DLGAP2: variants seen among roughly 807,000 people sequenced by gnomAD.
DLGAP2 encodes DLG associated protein 2.
A neutral mutation model predicts 100.3 loss-of-function variants in DLGAP2; 26 were observed. The observed-to-expected ratio is 0.26, with a 90% CI of 0.19 to 0.36. DLGAP2 has a LOEUF of 0.36. Among genes scored for constraint, DLGAP2 ranks in the 10% least tolerant of loss-of-function variants. DLGAP2 has a pLI of 1.00. For missense variants in DLGAP2, 1,858 were observed against 1,453.2 expected (o/e 1.28, Z -4.53); for synonymous variants, 886 against 630.1 (o/e 1.41, Z -6.08).
chr8:1,616,508 A>G (rs1440990004), intron 6 of DLGAP2, among the ~76,000 whole-genome samples: 1 of 152,208 alleles, frequency 6.6e-6, no homozygotes, highest in African/African-American at 2.4e-5. Context: ...AAGGGGTCAA[A>G]CAGAAACCAG....
chr8:1,654,046 T>C (rs1482906751), intron 8 of DLGAP2, among the ~76,000 whole-genome samples: 1 of 152,228 alleles, frequency 6.6e-6, no homozygotes, highest in Non-Finnish European at 1.5e-5. Context: ...GCCATGTGCA[T>C]GGTAAAAATA....
chr8:1,148,539 A>G (rs750310383), intron 2 of DLGAP2, among the ~76,000 whole-genome samples: 1 of 143,338 alleles, frequency 7.0e-6, no homozygotes, highest in South Asian at 2.3e-4. Flanking sequence ...TTAGACTTTT[A>G]TCTTCTAATA....
At chr8:1,492,348 A>T (rs1229621991) in intron 3 of DLGAP2, among the ~76,000 whole-genome samples, 1 of 152,192 alleles carries the variant, frequency 6.6e-6, no homozygotes, top group African/African-American at 2.4e-5. Context: ...ACAGCCTTCA[A>T]ATCCTGTCAT....
At chr8:1,102,963 G>T (rs547145077) in intron 2 of DLGAP2, among the ~76,000 whole-genome samples, 1 of 151,622 alleles carries the variant, frequency 6.6e-6, no homozygotes, top group Non-Finnish European at 1.5e-5. Flanking sequence ...GTGGTTTTCC[G>T]GGGTCTTCAT....
At chr8:1,674,231 G>T (rs947023753) in intron 10 of DLGAP2, among the ~76,000 whole-genome samples, 11 of 152,118 alleles carry the variant, frequency 7.2e-5, no homozygotes, top group African/African-American at 2.7e-4. Flanking sequence ...TTTTTGTAGA[G>T]ATGGGGTCTT....
intron 2 of DLGAP2, among the ~76,000 whole-genome samples, chr8:986,169 G>A (rs370860246): frequency 3.9e-5 from 6 of 152,160 alleles, no homozygotes; most frequent in East Asian, 1.9e-4. Context: ...AGTGTGACTG[G>A]TTGGGAAGAG....
intron 6 of DLGAP2, among the ~76,000 whole-genome samples, chr8:1,571,358 T>G (rs1409790788): frequency 8.4e-6 from 1 of 118,946 alleles, no homozygotes; most frequent in African/African-American, 3.3e-5. Context: ...GGGCATCTGA[T>G]GAGATGGAGA....
chr8:1,595,423 G>C (rs1796420997), intron 6 of DLGAP2, among the ~76,000 whole-genome samples: 1 of 151,896 alleles, frequency 6.6e-6, no homozygotes, highest in African/African-American at 2.4e-5. Context: ...CAGCACTTTG[G>C]GAGGCCGAGG....
In DLGAP2 at chr8:1,241,185, C is replaced by A. The variant is rs62487816; in HGVS notation, c.74-17666C>A. On this transcript the variant is annotated intron_variant, in intron 2 of 14. Transcript: ENST00000637795. ...AGTTCTCTCACGTGGCGCCGTGTCT[C>A]GTTCTCTCACATGGAGCCATGTCTA... Among the ~76,000 whole-genome samples the A allele has an allele frequency of 2.0e-3, 84 of 42,434 alleles. 3 individuals are homozygous for A. The highest frequency in any genetic ancestry group is 4.5e-3 in the East Asian group (2 of 440). 27.8% of individuals were successfully genotyped at this position (42,434 alleles called of 152,430 possible). A position where few individuals can be genotyped will look rare whatever the true frequency, so the allele number is the denominator to read the frequency against.
intron 3 of DLGAP2, among the ~76,000 whole-genome samples, chr8:1,312,068 T>C (rs1367199063): frequency 6.6e-6 from 1 of 152,226 alleles, no homozygotes; most frequent in African/African-American, 2.4e-5. Context: ...ATCTGACATC[T>C]GTAGGCTACT....
chr8:1,318,563 C>T (rs186431460), intron 3 of DLGAP2, among the ~76,000 whole-genome samples: 200 of 151,368 alleles, frequency 1.3e-3, no homozygotes, highest in Admixed American at 3.7e-3. Flanking sequence ...AGGGCCGGTT[C>T]GTTACCTCCA....
chr8:924,496 C>T (rs1025905730), intron 2 of DLGAP2, among the ~76,000 whole-genome samples: 7 of 151,612 alleles, frequency 4.6e-5, no homozygotes, highest in East Asian at 1.9e-4. Flanking sequence ...CTGGCCTTGC[C>T]GAGGTGCAGG....
intron 4 of DLGAP2, among the ~76,000 whole-genome samples, chr8:1,506,245 A>G (rs987416949): frequency 6.6e-6 from 1 of 152,228 alleles, no homozygotes; most frequent in African/African-American, 2.4e-5. Flanking sequence ...TTCAAAAAAC[A>G]AAAACCCAGC....
At chr8:1,462,321 G>A (rs1176968684) in intron 3 of DLGAP2, among the ~76,000 whole-genome samples, 1 of 94,532 alleles carries the variant, frequency 1.1e-5, no homozygotes, top group Non-Finnish European at 2.2e-5. Flanking sequence ...ATTTGGGTTG[G>A]GAGAAGGTGC....
intron 3 of DLGAP2, chr8:1,296,163 G>A (rs938342288): frequency 2.0e-5 from 3 of 152,216 alleles, no homozygotes; most frequent in African/African-American, 2.4e-5. Flanking sequence ...TGCGGCCCCC[G>A]GGTTTCTGAC....
In DLGAP2 at chr8:858,103, C is replaced by T. The variant is rs117623689; in HGVS notation, c.19-49809C>T. On this transcript the variant is annotated intron_variant, in intron 1 of 14. Coordinates refer to ENST00000637795, the MANE Select transcript of DLGAP2 (RefSeq NM_001346810.2). ...AACTCCTCACCTCAGATGATCCACCCGCCTTGGCCCTCCAGAGTGTCGGGA... is the reference window on the plus strand; with the variant it reads ...AACTCCTCACCTCAGATGATCCACCTGCCTTGGCCCTCCAGAGTGTCGGGA... 3.2e-4 allele frequency among the ~76,000 whole-genome samples: 49 copies of T among 152,310 alleles called. 2 individuals carry two copies. The East Asian group carries it at 8.9e-3, about 28-fold the overall frequency.
chr8:1,316,523 C>A (rs528815503), intron 3 of DLGAP2, among the ~76,000 whole-genome samples: 144 of 63,692 alleles, frequency 2.3e-3, no homozygotes, highest in Admixed American at 3.2e-3. Context: ...ACACTCGAGA[C>A]ACTCGGCAGC....
chr8:1,514,909 G>A (rs1464718922), intron 4 of DLGAP2, among the ~76,000 whole-genome samples: 2 of 152,218 alleles, frequency 1.3e-5, no homozygotes, highest in Admixed American at 1.3e-4. Context: ...CCCACGAGGG[G>A]AAGAGCCCCT....
intron 2 of DLGAP2, among the ~76,000 whole-genome samples, chr8:920,593 T>C (rs1217312269): frequency 2.0e-5 from 3 of 151,892 alleles, no homozygotes; most frequent in Admixed American, 6.6e-5. Context: ...CCATCTCTAC[T>C]AAAAACAATT....
Sources: allele counts gnomAD v4.1 joint callset (sites outside exome capture counted in the v4.1 genomes callset), GRCh38; gene constraint gnomAD v4.1.1; transcripts MANE v1.5; gene names NCBI Gene and HGNC (gene_info 2026-07-23, HGNC 2026-07-21).